Variants in HIPK2 observed in about 807,000 individuals in gnomAD.
HIPK2 encodes the protein homeodomain interacting protein kinase 2, also known as homeodomain-interacting protein kinase 2.
In HIPK2, 27 loss-of-function variants were observed where a neutral mutation model predicts 113.7. That is an observed-to-expected ratio of 0.24 (90% CI 0.17 to 0.33). The LOEUF is 0.33. HIPK2 is among the 10% of genes least tolerant of loss of function. The pLI is 1.00. For synonymous variants in HIPK2, 631 were observed against 642.2 expected (o/e 0.98, Z 0.26); for missense variants, 1,257 against 1,588.0 (o/e 0.79, Z 3.54).
In HIPK2 at chr7:139,575,218, G is replaced by A. The variant is rs1334925037; in HGVS notation, c.3036C>T (p.His1012=). 3.8e-6 allele frequency: 6 copies of A among 1,583,070 alleles called. No individual in the cohort carries two copies. The highest frequency in any genetic ancestry group is 5.2e-6 in the Non-Finnish European group (6 of 1,164,802). The change falls in exon 14 of 15, where the codon CAC becomes CAT. Residue 1012 remains histidine (H), a synonymous_variant. Coordinates refer to ENST00000406875, the MANE Select transcript of HIPK2 (RefSeq NM_022740.5). ...SSSNVTSTSG[H]SSGSSSGAIT... ...TGGCTCCAGATGAGCTCCCTGAAGAGTGACCGCTGGTGGAGGTCACGTTGC... is the reference window on the plus strand; with the variant it reads ...TGGCTCCAGATGAGCTCCCTGAAGAATGACCGCTGGTGGAGGTCACGTTGC...
At chr7:139,652,257 G>T (rs542248246) in intron 2 of HIPK2, among the ~76,000 whole-genome samples, 1 of 152,174 alleles carries the variant, frequency 6.6e-6, no homozygotes, top group Non-Finnish European at 1.5e-5. Flanking sequence ...GTGCTGGGCT[G>T]GGGGAGAATG....
At position 139,598,033 on chromosome 7, in the gene HIPK2, C is replaced by T. The variant is rs538679025; in HGVS notation, c.2436-1035G>A. 2.0e-5 allele frequency among the ~76,000 whole-genome samples: 3 copies of T among 152,298 alleles called. No individual in the cohort carries two copies. The South Asian group carries it at 6.2e-4, about 32-fold the overall frequency. On this transcript the variant is annotated intron_variant, in intron 11 of 14. Coordinates refer to ENST00000406875, the MANE Select transcript of HIPK2 (RefSeq NM_022740.5). ...ACACCTTATACACATAGCCTGAGGTCATTTTATACATTATTTTATAATAAT... is the reference window on the plus strand; with the variant it reads ...ACACCTTATACACATAGCCTGAGGTTATTTTATACATTATTTTATAATAAT...
chr7:139,736,557 CCAAGGCCAGAG>C lies in HIPK2; in HGVS notation c.20-19553_20-19543del, dbSNP rs1795945075. On this transcript the variant is annotated intron_variant, in intron 1 of 14. Coordinates refer to ENST00000406875, the MANE Select transcript of HIPK2 (RefSeq NM_022740.5). Reference sequence around the variant, plus strand: ...GCCCTGATTCCCAGGGAGGGCATCTCCAAGGCCAGAGCTGACCTGAAACAAAATCAGCTCTC... The same window carrying C: ...GCCCTGATTCCCAGGGAGGGCATCTCCTGACCTGAAACAAAATCAGCTCTC... Among the ~76,000 whole-genome samples, 4 of 152,310 alleles carry C rather than the reference CCAAGGCCAGAG, an allele frequency of 2.6e-5. No individual in the cohort carries two copies. The South Asian group carries it at 8.3e-4, about 32-fold the overall frequency.
chr7:139,584,683 T>A (rs1798778676), intron 12 of HIPK2, among the ~76,000 whole-genome samples: 5 of 152,242 alleles, frequency 3.3e-5, no homozygotes, highest in Admixed American at 3.3e-4. Flanking sequence ...CTCTCCTTAC[T>A]TTGAGTGTGC....
chr7:139,732,305 G>A (rs1031876157), intron 1 of HIPK2, among the ~76,000 whole-genome samples: 1 of 152,174 alleles, frequency 6.6e-6, no homozygotes, highest in African/African-American at 2.4e-5. Flanking sequence ...TTGGTCTGTT[G>A]CAAGGACATT....
At chr7:139,632,423 C>T (rs1333690693) in intron 2 of HIPK2, among the ~76,000 whole-genome samples, 1 of 152,238 alleles carries the variant, frequency 6.6e-6, no homozygotes, top group Non-Finnish European at 1.5e-5. Flanking sequence ...TAAGAATTTA[C>T]ATCACACTTT....
rs773495658 is a variant in HIPK2 at position 139,600,591 on chromosome 7, G to A, written c.2261C>T (p.Thr754Met). The A allele has an allele frequency of 2.0e-5, 32 of 1,613,612 alleles. 1 individual carries two copies. Among genetic ancestry groups the A allele is most frequent in the South Asian group, 7.7e-5 (7 of 91,068 alleles). The stretch of plus-strand genomic sequence containing the variant: ...ATTATAATGGCTTCCGTGAGCATGC[G>A]TATTTCTGAAAGGCAACCGGGACAA... ...GTQQLADWRNTHAHGSHYNPI... is the reference protein window; with the variant it reads ...GTQQLADWRNMHAHGSHYNPI... The change falls in exon 11 of 15, where the codon ACG becomes ATG. Residue 754 changes from threonine to methionine, a missense_variant. Transcript: ENST00000406875.
chr7:139,580,772 T>A (rs895387257), intron 13 of HIPK2, among the ~76,000 whole-genome samples: 2 of 152,250 alleles, frequency 1.3e-5, no homozygotes, highest in African/African-American at 4.8e-5. Flanking sequence ...CATGTAGGGC[T>A]GTGATGAGGA....
chr7:139,685,059 C>T (rs1313493940), intron 2 of HIPK2, among the ~76,000 whole-genome samples: 1 of 152,224 alleles, frequency 6.6e-6, no homozygotes, highest in Non-Finnish European at 1.5e-5. Context: ...AATAAGCCAT[C>T]TCCATAACAT....
intron 2 of HIPK2, among the ~76,000 whole-genome samples, chr7:139,700,377 G>T (rs1161723493): frequency 1.3e-5 from 2 of 152,124 alleles, no homozygotes; most frequent in African/African-American, 4.8e-5. Flanking sequence ...TACGTGATGG[G>T]GACAATAAGG....
In HIPK2 at chr7:139,705,298, C is replaced by T. The variant is rs1377090502; in HGVS notation, c.1103+10634G>A. ...CAGGCATGGCAGAGGGCGAGTTACA[C>T]GCATGCGGCTATCTCATTCAGTCCC... On this transcript the variant is annotated intron_variant, in intron 2 of 14. Transcript: ENST00000406875. 4.6e-5 allele frequency among the ~76,000 whole-genome samples: 7 copies of T among 152,156 alleles called. No homozygotes were observed. In the South Asian group the frequency reaches 8.3e-4, roughly 18 times the overall value.
At chr7:139,772,193 T>C (rs17161108) in intron 1 of HIPK2, among the ~76,000 whole-genome samples, 2,391 of 152,264 alleles carry the variant, frequency 0.016, 52 homozygotes, top group African/African-American at 0.053. Flanking sequence ...AGCCACTGAA[T>C]GCTTCGGAGT....
intron 2 of HIPK2, among the ~76,000 whole-genome samples, chr7:139,691,831 T>C (rs993964639): frequency 5.9e-5 from 9 of 152,208 alleles, no homozygotes; most frequent in African/African-American, 2.2e-4. Flanking sequence ...TACATCATGG[T>C]GCTCTGTCAA....
At position 139,572,965 on chromosome 7, in the gene HIPK2, G is replaced by C; in HGVS notation, c.3559C>G (p.Leu1187Val). 1 of 1,490,556 alleles carries C rather than the reference G, an allele frequency of 6.7e-7. No homozygotes were observed. Among genetic ancestry groups the C allele is most frequent in the Non-Finnish European group, 9.1e-7 (1 of 1,103,414 alleles). 92.3% of individuals were successfully genotyped at this position (1,490,556 alleles called of 1,614,324 possible). A position where few individuals can be genotyped will look rare whatever the true frequency, so the allele number is the denominator to read the frequency against. Residue 1187 changes from leucine (L) to valine (V), a missense_variant, in exon 15 of 15, where the codon CTG becomes GTG. Transcript: ENST00000406875. ...PASTVYTGYPLSPAKVNQYPY... is the reference protein window; with the variant it reads ...PASTVYTGYPVSPAKVNQYPY... ...TACTGGTTGACCTTGGCGGGGCTCA[G>C]TGGGTATCCAGTGTAGACGGTGGAG...
chr7:139,582,366 C>T (rs1037398932), intron 13 of HIPK2, among the ~76,000 whole-genome samples: 5 of 152,324 alleles, frequency 3.3e-5, no homozygotes, highest in African/African-American at 9.6e-5. Flanking sequence ...CTCCTTCTTC[C>T]GAGAGAGCAC....
chr7:139,580,456 T>A (rs1342977139), intron 13 of HIPK2, among the ~76,000 whole-genome samples: 5 of 152,210 alleles, frequency 3.3e-5, no homozygotes, highest in African/African-American at 4.8e-5. Context: ...TAACTCCTCC[T>A]GTGGCGATGG....
chr7:139,587,343 T>C (rs1798865867), intron 12 of HIPK2, among the ~76,000 whole-genome samples: 1 of 151,544 alleles, frequency 6.6e-6, no homozygotes, highest in Non-Finnish European at 1.5e-5. Context: ...TACCAAAAAT[T>C]AGCCGGGAGT....
intron 12 of HIPK2, among the ~76,000 whole-genome samples, chr7:139,589,978 G>A (rs915320991): frequency 6.6e-6 from 1 of 152,166 alleles, no homozygotes; most frequent in Non-Finnish European, 1.5e-5. Flanking sequence ...CTCTTCCATT[G>A]TTAGAAAGCT....
intron 2 of HIPK2, among the ~76,000 whole-genome samples, chr7:139,647,585 A>G (rs1412469712): frequency 6.6e-6 from 1 of 152,212 alleles, no homozygotes; most frequent in African/African-American, 2.4e-5. Flanking sequence ...GTATCTATCT[A>G]TCATCTATCT....
Sources: allele counts gnomAD v4.1 joint callset (sites outside exome capture counted in the v4.1 genomes callset), GRCh38; gene constraint gnomAD v4.1.1; transcripts MANE v1.5; gene names NCBI Gene and HGNC (gene_info 2026-07-23, HGNC 2026-07-21).